UNC5C: variants seen among roughly 807,000 people sequenced by gnomAD.
UNC5C encodes the protein unc-5 netrin receptor C.
Under a neutral mutation model 99.8 loss-of-function variants are expected in UNC5C, and 47 were observed. That is an observed-to-expected ratio of 0.47 (90% CI 0.37 to 0.60). The LOEUF (loss-of-function observed/expected upper bound fraction) is 0.60, where lower values mean the gene tolerates loss of function less well. UNC5C is among the 20% of genes least tolerant of loss of function. The probability of loss-of-function intolerance (pLI) is 0.00; values close to 1 mark genes in which losing one functional copy is unlikely to be tolerated. For synonymous variants in UNC5C, 487 were observed against 452.2 expected, an observed-to-expected ratio of 1.08 and a Z score of -0.98; for missense variants, 1,062 against 1,165.9, an observed-to-expected ratio of 0.91 and a Z score of 1.30.
chr4:95,371,901 G>A (rs1744759768), intron 1 of UNC5C, among the ~76,000 whole-genome samples: 1 of 152,098 alleles, frequency 6.6e-6, no homozygotes, highest in South Asian at 2.1e-4. Flanking sequence ...TAAAAACCAT[G>A]TTCTGCATTT....
chr4:95,237,409 A>G (rs879932817), intron 7 of UNC5C, among the ~76,000 whole-genome samples: 2 of 152,326 alleles, frequency 1.3e-5, no homozygotes, highest in Middle Eastern at 3.4e-3. Flanking sequence ...TTTGTTTAAC[A>G]TTTAGCATTA....
chr4:95,414,375 G>T (rs1746099216), intron 1 of UNC5C, among the ~76,000 whole-genome samples: 1 of 152,170 alleles, frequency 6.6e-6, no homozygotes, highest in Admixed American at 6.5e-5. Context: ...ACACCTCCCG[G>T]GTGGCTTGCC....
At chr4:95,492,356 C>T (rs17024074) in intron 1 of UNC5C, among the ~76,000 whole-genome samples, 1,910 of 151,164 alleles carry the variant, frequency 0.013, 41 homozygotes, top group African/African-American at 0.043. Flanking sequence ...AGCGTTTTGT[C>T]GTATCAATTT....
chr4:95,481,036 G>T (rs1470675639), intron 1 of UNC5C, among the ~76,000 whole-genome samples: 1 of 150,118 alleles, frequency 6.7e-6, no homozygotes, highest in African/African-American at 2.5e-5. Flanking sequence ...AGGAAATAAA[G>T]GGTATTCAAT....
At chr4:95,417,678 G>A (rs1419404696) in intron 1 of UNC5C, among the ~76,000 whole-genome samples, 1 of 152,134 alleles carries the variant, frequency 6.6e-6, no homozygotes, top group Non-Finnish European at 1.5e-5. Context: ...AGGCAGGAAG[G>A]AACGGGGGCA....
At chr4:95,363,750 A>G (rs1744467038) in intron 1 of UNC5C, among the ~76,000 whole-genome samples, 1 of 152,170 alleles carries the variant, frequency 6.6e-6, no homozygotes, top group Non-Finnish European at 1.5e-5. Context: ...CACTGGTGAA[A>G]TAACAGCTAC....
At chr4:95,508,805 G>A (rs1721993274) in intron 1 of UNC5C, among the ~76,000 whole-genome samples, 1 of 151,874 alleles carries the variant, frequency 6.6e-6, no homozygotes. Context: ...ATTTTAATGG[G>A]CCTTGAGATG....
intron 1 of UNC5C, among the ~76,000 whole-genome samples, chr4:95,392,927 TA>T (rs1004707989): frequency 9.8e-5 from 15 of 152,286 alleles, no homozygotes; most frequent in Middle Eastern, 6.8e-3. Context: ...TATCTAAAAG[TA>T]AAAGTCTCCC....
intron 14 of UNC5C, among the ~76,000 whole-genome samples, chr4:95,178,416 A>ACAT (rs2149348079): frequency 6.6e-6 from 1 of 152,190 alleles, no homozygotes; most frequent in African/African-American, 2.4e-5. Flanking sequence ...TGCTCTGTGC[A>ACAT]CATTGGCTGT....
At position 95,527,688 on chromosome 4, in the gene UNC5C, T is replaced by C. The variant is rs182771401; in HGVS notation, c.124+21046A>G. 1.6e-4 allele frequency among the ~76,000 whole-genome samples: 24 copies of C among 152,244 alleles called. 1 individual carries two copies. Among genetic ancestry groups the C allele is most frequent in the Admixed American group, 8.5e-4 (13 of 15,286 alleles). ...ATGGACATATAATTTCCATGCCAAA[T>C]GAAAAGAATGCAATTTCATAGGAAT... On this transcript the variant is annotated intron_variant, in intron 1 of 15. Coordinates refer to ENST00000453304, the MANE Select transcript of UNC5C (RefSeq NM_003728.4).
intron 7 of UNC5C, among the ~76,000 whole-genome samples, chr4:95,228,371 A>C (rs1045229701): frequency 3.9e-5 from 6 of 152,224 alleles, no homozygotes. Context: ...CTTTCATATA[A>C]ATAATTATCA....
chr4:95,344,773 T>C (rs984012406), intron 1 of UNC5C, among the ~76,000 whole-genome samples: 1 of 152,112 alleles, frequency 6.6e-6, no homozygotes. Context: ...AGTTGTCATC[T>C]GTTTAAAATA....
At position 95,169,054 on chromosome 4, in the gene UNC5C, G is replaced by A; in HGVS notation, c.*180C>T. On this transcript the variant is annotated 3_prime_UTR_variant, in exon 16 of 16. Coordinates refer to ENST00000453304, the MANE Select transcript of UNC5C (RefSeq NM_003728.4). The stretch of plus-strand genomic sequence containing the variant: ...AATTTTTCTTAACTCCCGTGATGAT[G>A]TCCGAGTAAAGTGGGCATGTACATG... The A allele has an allele frequency of 1.5e-6, 1 of 673,348 alleles. No individual in the cohort carries two copies. The highest frequency in any genetic ancestry group is 2.3e-5 in the South Asian group (1 of 44,144). 41.7% of individuals were successfully genotyped at this position (673,348 alleles called of 1,614,324 possible).
chr4:95,525,332 C>T (rs1184727587), intron 1 of UNC5C, among the ~76,000 whole-genome samples: 1 of 152,008 alleles, frequency 6.6e-6, no homozygotes, highest in Non-Finnish European at 1.5e-5. Context: ...AAATTCCAGC[C>T]ATATACTCTT....
chr4:95,432,489 G>A (rs77895536), intron 1 of UNC5C, among the ~76,000 whole-genome samples: 1,535 of 152,012 alleles, frequency 0.01, 11 homozygotes, highest in Non-Finnish European at 0.017. Flanking sequence ...TGATTTTGGC[G>A]TTTTGCCTAC....
chr4:95,478,662 TG>T (rs1721035906), intron 1 of UNC5C, among the ~76,000 whole-genome samples: 1 of 152,066 alleles, frequency 6.6e-6, no homozygotes, highest in Non-Finnish European at 1.5e-5. Context: ...TTTATTATTT[TG>T]TTTTTTAACT....
At chr4:95,417,342 G>C (rs1319385498) in intron 1 of UNC5C, among the ~76,000 whole-genome samples, 1 of 152,090 alleles carries the variant, frequency 6.6e-6, no homozygotes, top group Non-Finnish European at 1.5e-5. Context: ...TTTTAAATAT[G>C]TCTCCACACG....
chr4:95,535,279 T>C (rs1269131465), intron 1 of UNC5C, among the ~76,000 whole-genome samples: 1 of 152,176 alleles, frequency 6.6e-6, no homozygotes, highest in Admixed American at 6.5e-5. Flanking sequence ...TACCAATTTA[T>C]TTTAAGAATT....
chr4:95,511,581 G>A (rs532029932), intron 1 of UNC5C, among the ~76,000 whole-genome samples: 1 of 152,120 alleles, frequency 6.6e-6, no homozygotes. Flanking sequence ...CACTTAGTAG[G>A]TACACTGATT....
Sources: allele counts gnomAD v4.1 joint callset (sites outside exome capture counted in the v4.1 genomes callset), GRCh38; gene constraint gnomAD v4.1.1; transcripts MANE v1.5; gene names NCBI Gene and HGNC (gene_info 2026-07-23, HGNC 2026-07-21).